PTPRG: variants seen among roughly 807,000 people sequenced by gnomAD.
PTPRG encodes the protein protein tyrosine phosphatase receptor type G.
Under a neutral mutation model 165.3 loss-of-function variants are expected in PTPRG, and 102 were observed. The observed-to-expected ratio is 0.62, with a 90% CI of 0.53 to 0.73. The LOEUF (loss-of-function observed/expected upper bound fraction) is 0.73, where lower values mean the gene tolerates loss of function less well. PTPRG is among the 30% of genes least tolerant of loss of function. PTPRG has a pLI of 0.00. For missense variants in PTPRG, 1,866 were observed against 1,861.4 expected, an observed-to-expected ratio of 1.00 and a Z score of -0.05; for synonymous variants, 675 against 669.5, an observed-to-expected ratio of 1.01 and a Z score of -0.13.
chr3:62,083,284 G>A (rs560256039), intron 5 of PTPRG, among the ~76,000 whole-genome samples: 3 of 148,124 alleles, frequency 2.0e-5, no homozygotes, highest in Non-Finnish European at 4.4e-5. Context: ...CCTTTTTGTG[G>A]AGAACGGGGT....
chr3:61,824,628 G>C (rs2036056129), intron 2 of PTPRG, among the ~76,000 whole-genome samples: 1 of 152,176 alleles, frequency 6.6e-6, no homozygotes, highest in South Asian at 2.1e-4. Flanking sequence ...CCAGGAGTTT[G>C]AGACCAGCTT....
At chr3:61,622,847 A>C (rs1446547586) in intron 1 of PTPRG, among the ~76,000 whole-genome samples, 14 of 152,210 alleles carry the variant, frequency 9.2e-5, no homozygotes, top group Admixed American at 9.2e-4. Context: ...TAAGTGCCAT[A>C]GTCACTTCTT....
rs1553648896 is a variant in PTPRG at position 61,681,075 on chromosome 3, A to AAG, written c.86-67802_86-67801insGA. On this transcript the variant is annotated intron_variant, in intron 1 of 29. Transcript: ENST00000474889. ...GTTCTAAAAAAAAAAAAAAAAAAAAAAAGAAGAAGAAAGTAACAATGTCCA... is the reference window on the plus strand; with the variant it reads ...GTTCTAAAAAAAAAAAAAAAAAAAAAAGAAGAAGAAGAAAGTAACAATGTCCA... Among the ~76,000 whole-genome samples, 11 of 150,306 alleles carry AAG rather than the reference A, an allele frequency of 7.3e-5. No homozygotes were observed. In the East Asian group the frequency reaches 9.8e-4, roughly 13 times the overall value.
chr3:61,764,562 T>C (rs1022698723), intron 2 of PTPRG, among the ~76,000 whole-genome samples: 5 of 152,122 alleles, frequency 3.3e-5, no homozygotes, highest in Admixed American at 2.0e-4. Flanking sequence ...AGAGTTGTTA[T>C]TTTAGCCTGG....
At chr3:62,221,268 T>C (rs1021581189) in intron 13 of PTPRG, among the ~76,000 whole-genome samples, 24 of 152,236 alleles carry the variant, frequency 1.6e-4, no homozygotes, top group Non-Finnish European at 1.6e-4. Context: ...AAAAGCTTCA[T>C]TTAAAGTAAC....
At chr3:61,797,144 A>G (rs1047083358) in intron 2 of PTPRG, among the ~76,000 whole-genome samples, 1 of 152,238 alleles carries the variant, frequency 6.6e-6, no homozygotes, top group African/African-American at 2.4e-5. Context: ...TCTTTGAGCC[A>G]GGTTTCCATC....
At chr3:61,954,675 A>G (rs1176655798) in intron 2 of PTPRG, among the ~76,000 whole-genome samples, 4 of 152,220 alleles carry the variant, frequency 2.6e-5, no homozygotes, top group Non-Finnish European at 5.9e-5. Context: ...AGACACTGAC[A>G]CTTGTAAGAT....
chr3:61,991,272 C>T (rs182815608), intron 3 of PTPRG, among the ~76,000 whole-genome samples: 1 of 152,194 alleles, frequency 6.6e-6, no homozygotes, highest in Non-Finnish European at 1.5e-5. Context: ...GTGGCATGAT[C>T]ATGGTTCACT....
intron 1 of PTPRG, among the ~76,000 whole-genome samples, chr3:61,721,663 T>C (rs1400324375): frequency 1.3e-5 from 2 of 152,174 alleles, no homozygotes; most frequent in Non-Finnish European, 2.9e-5. Context: ...AAAAAGTTCC[T>C]GGAGAACTTT....
chr3:61,959,344 A>G (rs2040100147), intron 2 of PTPRG, among the ~76,000 whole-genome samples: 1 of 152,200 alleles, frequency 6.6e-6, no homozygotes, highest in South Asian at 2.1e-4. Context: ...GCGGTCCCCA[A>G]CCTTTTTGGC....
intron 4 of PTPRG, among the ~76,000 whole-genome samples, chr3:62,026,879 T>TTAAAAAAAAAAAAAAA (rs1260741192): frequency 2.4e-4 from 23 of 94,718 alleles, no homozygotes; most frequent in Non-Finnish European, 4.4e-4. Flanking sequence ...GAGTGAGAAT[T>TTAAAAAAAAAAAAAAA]AAAAAAAAAA....
chr3:61,695,604 G>A (rs1028632358), intron 1 of PTPRG, among the ~76,000 whole-genome samples: 1 of 152,154 alleles, frequency 6.6e-6, no homozygotes, highest in Admixed American at 6.5e-5. Flanking sequence ...ATTAATTCGG[G>A]ATTTTACAGT....
chr3:61,620,908 C>T (rs532362642), intron 1 of PTPRG, among the ~76,000 whole-genome samples: 121 of 151,916 alleles, frequency 8.0e-4, no homozygotes, highest in Non-Finnish European at 1.5e-3. Flanking sequence ...GGATTACAGG[C>T]GTGAGCCACC....
chr3:61,853,311 G>A (rs1287202176), intron 2 of PTPRG, among the ~76,000 whole-genome samples: 1 of 152,208 alleles, frequency 6.6e-6, no homozygotes, highest in Admixed American at 6.5e-5. Flanking sequence ...GCTGGTTTGT[G>A]TGATCAGTTG....
chr3:61,765,859 A>G (rs2034000227), intron 2 of PTPRG, among the ~76,000 whole-genome samples: 2 of 152,164 alleles, frequency 1.3e-5, no homozygotes, highest in South Asian at 2.1e-4. Context: ...GGTGGCCTGA[A>G]TTTTCCACAG....
rs1559665548 is a variant in PTPRG at position 62,217,327 on chromosome 3, CG to C, written c.2156-1523del. ...CAGGGGATACATCAGGTCCTGTCTG[CG>C]TCACAGGCCTGTGCCTGAAACAAAG... On this transcript the variant is annotated intron_variant, in intron 12 of 29. Transcript: ENST00000474889. The surrounding 1 kb of genome is among the most constrained non-coding windows in gnomAD (Gnocchi z 4.3). Among the ~76,000 whole-genome samples the C allele has an allele frequency of 6.6e-5, 10 of 152,298 alleles. No individual in the cohort carries two copies. In the South Asian group the frequency reaches 1.7e-3, roughly 25 times the overall value.
At chr3:61,754,127 C>G (rs987055774) in intron 2 of PTPRG, among the ~76,000 whole-genome samples, 1 of 152,140 alleles carries the variant, frequency 6.6e-6, no homozygotes, top group East Asian at 1.9e-4. Context: ...TTGAAATAGG[C>G]AGTGACCAAA....
At chr3:61,690,204 G>T (rs1245777651) in intron 1 of PTPRG, among the ~76,000 whole-genome samples, 1 of 152,162 alleles carries the variant, frequency 6.6e-6, no homozygotes, top group Non-Finnish European at 1.5e-5. Context: ...GCGGCAGATG[G>T]CCTGGAATGC....
At chr3:61,890,962 C>G (rs1186152876) in intron 2 of PTPRG, among the ~76,000 whole-genome samples, 5 of 152,082 alleles carry the variant, frequency 3.3e-5, no homozygotes, top group Non-Finnish European at 5.9e-5. Context: ...ACATTTTATT[C>G]TTGAAAATTT....
Sources: allele counts gnomAD v4.1 joint callset (sites outside exome capture counted in the v4.1 genomes callset), GRCh38; gene constraint gnomAD v4.1.1; non-coding constraint Gnocchi (gnomAD v3.1); transcripts MANE v1.5; gene names NCBI Gene and HGNC (gene_info 2026-07-23, HGNC 2026-07-21).